The following KRCC1 variants were observed in gnomAD, a reference collection of about 807,000 sequenced individuals.
KRCC1 encodes the protein lysine rich coiled-coil 1.
In KRCC1, 3 loss-of-function variants were observed where a neutral mutation model predicts 7.4. The ratio of observed to expected loss-of-function variants is 0.40; its 90% CI spans 0.18 to 1.04. The LOEUF (loss-of-function observed/expected upper bound fraction) is 1.04, where lower values mean the gene tolerates loss of function less well. Ranked by LOEUF, KRCC1 falls within the 50% of genes least tolerant of loss-of-function variation. KRCC1 has a pLI of 0.33. For synonymous variants in KRCC1, 102 were observed against 101.6 expected (o/e 1.00, Z -0.02); for missense variants, 277 against 300.9 (o/e 0.92, Z 0.59).
chr2:88,027,987 T>C lies in KRCC1; in HGVS notation c.577A>G (p.Lys193Glu), dbSNP rs1209666799. The change falls in exon 4 of 4, where the codon AAG (lysine) becomes GAG (glutamate). Residue 193 changes from lysine to glutamate, a missense_variant. Lys to Glu is a moderately conservative substitution (Grantham distance 56). Coordinates refer to ENST00000347055, the MANE Select transcript of KRCC1 (RefSeq NM_016618.3). ...TCTGTTTTCTTTCTTTGGATGCTCT[T>C]GTGTTTGTCTAAGTCAATTTCCTCG... ...SCEEIDLDKH[K>E]SIQRKKTEVE... 43 of 1,614,002 alleles carry C rather than the reference T, an allele frequency of 2.7e-5. No homozygotes were observed. Among genetic ancestry groups the C allele is most frequent in the Non-Finnish European group, 3.6e-5 (43 of 1,179,996 alleles).
chr2:88,033,001 T>C (rs1227229731), intron 3 of KRCC1, among the ~76,000 whole-genome samples: 1 of 152,152 alleles, frequency 6.6e-6, no homozygotes, highest in Non-Finnish European at 1.5e-5. Flanking sequence ...ATTCCATTTA[T>C]ATAAAACTCT....
At chr2:88,031,971 C>G (rs1673000700) in intron 3 of KRCC1, among the ~76,000 whole-genome samples, 1 of 151,762 alleles carries the variant, frequency 6.6e-6, no homozygotes, top group African/African-American at 2.4e-5. Context: ...GGTGAAACCC[C>G]ATCTCTAGTA....
chr2:88,032,585 T>A lies in KRCC1; in HGVS notation c.-23+1549A>T, dbSNP rs115144948. 6.2e-3 allele frequency among the ~76,000 whole-genome samples: 947 copies of A among 152,302 alleles called. 7 individuals are homozygous for A. Among genetic ancestry groups the A allele is most frequent in the Non-Finnish European group, 9.8e-3 (668 of 68,030 alleles). On this transcript the variant is annotated intron_variant, in intron 3 of 3. Coordinates refer to ENST00000347055, the MANE Select transcript of KRCC1 (RefSeq NM_016618.3). ...GGTCGTTAACGGACACATGACTGGG[T>A]GTCTATACAAAGACATGAATGTTCA...
At chr2:88,034,367 T>A (rs956095905) in intron 2 of KRCC1, 75 bp from the exon 3 acceptor site, 1 of 152,270 alleles carries the variant, frequency 6.6e-6, no homozygotes, top group Non-Finnish European at 1.5e-5. Flanking sequence ...AGACCAATCA[T>A]CTGAAAATTC....
At chr2:88,053,144 G>C (rs1379224305) in intron 1 of KRCC1, among the ~76,000 whole-genome samples, 1 of 151,702 alleles carries the variant, frequency 6.6e-6, no homozygotes, top group African/African-American at 2.4e-5. Context: ...CTAGATGAGA[G>C]TCACTGGGCT....
intron 1 of KRCC1, among the ~76,000 whole-genome samples, chr2:88,053,125 C>T (rs547336752): frequency 6.6e-6 from 1 of 151,706 alleles, no homozygotes; most frequent in African/African-American, 2.4e-5. Context: ...CTCGGGGGTA[C>T]GATCATTCCT....
chr2:88,027,626 G>A lies in KRCC1; in HGVS notation c.*158C>T. The A allele has an allele frequency of 1.8e-6, 1 of 541,938 alleles. No individual in the cohort carries two copies. Among genetic ancestry groups the A allele is most frequent in the Non-Finnish European group, 3.1e-6 (1 of 319,220 alleles). 33.6% of individuals were successfully genotyped at this position (541,938 alleles called of 1,614,324 possible). A position where few individuals can be genotyped will look rare whatever the true frequency, so the allele number is the denominator to read the frequency against. On this transcript the variant is annotated 3_prime_UTR_variant, in exon 4 of 4. Coordinates refer to ENST00000347055, the MANE Select transcript of KRCC1 (RefSeq NM_016618.3). Reference sequence around the variant, plus strand: ...GAAAATGAGGAAAAGCAATTTCTGTGTTGGAGAGCAAGCATGCTAAACACT... The same window carrying A: ...GAAAATGAGGAAAAGCAATTTCTGTATTGGAGAGCAAGCATGCTAAACACT...
chr2:88,042,391 T>C (rs1673230644), intron 1 of KRCC1, among the ~76,000 whole-genome samples: 1 of 152,002 alleles, frequency 6.6e-6, no homozygotes, highest in Non-Finnish European at 1.5e-5. Flanking sequence ...GGTTTCTCTT[T>C]GTTTCTTTTC....
At chr2:88,036,372 A>G (rs1673090489) in intron 2 of KRCC1, among the ~76,000 whole-genome samples, 2 of 152,212 alleles carry the variant, frequency 1.3e-5, no homozygotes, top group South Asian at 4.1e-4. Context: ...TGGACAGGGA[A>G]TCAGATCTCA....
chr2:88,034,129 C>T lies in KRCC1; in HGVS notation c.-23+5G>A, dbSNP rs192513858. 1 of 152,726 alleles carries T rather than the reference C, an allele frequency of 6.5e-6. No individual in the cohort carries two copies. The highest frequency in any genetic ancestry group is 1.5e-5 in the Non-Finnish European group (1 of 68,020). The allele number at this position is 152,726 out of a possible 1,614,324, so 9.5% of individuals were successfully genotyped here. A position where few individuals can be genotyped will look rare whatever the true frequency, so the allele number is the denominator to read the frequency against. ...GAATAAAGAGGTGAATGGAACCTTA[C>T]TTACCCTTATCAGGCTGAGAATTTG... On this transcript the variant is annotated splice_donor_5th_base_variant and intron_variant, in intron 3 of 3. Coordinates refer to ENST00000347055, the MANE Select transcript of KRCC1 (RefSeq NM_016618.3).
At chr2:88,029,007 T>A (rs1299146375) in intron 3 of KRCC1, among the ~76,000 whole-genome samples, 1 of 152,144 alleles carries the variant, frequency 6.6e-6, no homozygotes. Context: ...AATTACAACC[T>A]ATTTCAGCAT....
intron 3 of KRCC1, among the ~76,000 whole-genome samples, chr2:88,033,592 T>C (rs1439454904): frequency 6.6e-6 from 1 of 152,232 alleles, no homozygotes; most frequent in South Asian, 2.1e-4. Context: ...GATGGATACA[T>C]GAAGGTTCAT....
At chr2:88,049,399 G>A (rs1230818482) in intron 1 of KRCC1, among the ~76,000 whole-genome samples, 6 of 152,176 alleles carry the variant, frequency 3.9e-5, no homozygotes, top group South Asian at 2.1e-4. Context: ...CAATGCTTAC[G>A]TCCTTGGGAA....
chr2:88,030,558 A>C (rs889779581), intron 3 of KRCC1, among the ~76,000 whole-genome samples: 3 of 152,250 alleles, frequency 2.0e-5, no homozygotes, highest in Non-Finnish European at 4.4e-5. Flanking sequence ...AGATGTTTAA[A>C]AGCACTGATC....
chr2:88,028,315 AT>A lies in KRCC1; in HGVS notation c.248del (p.Asn83IlefsTer14). 1.9e-6 allele frequency: 3 copies of A among 1,614,098 alleles called. No individual in the cohort carries two copies. The highest frequency in any genetic ancestry group is 2.5e-6 in the Non-Finnish European group (3 of 1,180,028). On this transcript the variant is annotated frameshift_variant, in exon 4 of 4. Transcript: ENST00000347055. LOFTEE classifies it low-confidence loss of function (END_TRUNC). Reference sequence around the variant, plus strand: ...GGGCTGGTAACCACTGAGGCAACCGATTTTCCACTGTTTGTGGAATATTGCA... The same window carrying A: ...GGGCTGGTAACCACTGAGGCAACCGATTTCCACTGTTTGTGGAATATTGCA... ...RSCNIPQTVENRLPQWLPAHD... is the reference protein window; with the variant it reads ...RSCNIPQTVEXRLPQWLPAHD...
chr2:88,043,060 G>A (rs1181797011), intron 1 of KRCC1, among the ~76,000 whole-genome samples: 1 of 152,096 alleles, frequency 6.6e-6, no homozygotes, highest in Non-Finnish European at 1.5e-5. Flanking sequence ...TGATCTGTTT[G>A]TACTACACTG....
At chr2:88,039,383 A>G (rs190544122) in intron 1 of KRCC1, among the ~76,000 whole-genome samples, 24 of 152,308 alleles carry the variant, frequency 1.6e-4, no homozygotes, top group African/African-American at 5.8e-4. Context: ...AAGGACTTGA[A>G]GAGTATTAAA....
rs955870335 is a variant in KRCC1, at chr2:88,027,210, A to G, written c.*574T>C. 1.3e-5 allele frequency: 2 copies of G among 152,264 alleles called. No individual in the cohort carries two copies. The highest frequency in any genetic ancestry group is 4.8e-5 in the African/African-American group (2 of 41,452). 9.4% of individuals were successfully genotyped at this position (152,264 alleles called of 1,614,324 possible). A position where few individuals can be genotyped will look rare whatever the true frequency, so the allele number is the denominator to read the frequency against. On this transcript the variant is annotated 3_prime_UTR_variant, in exon 4 of 4. Transcript: ENST00000347055. ...GACTGACACACAACAACATGTAGAA[A>G]TTAGAATACTTTATTATAAATATTT...
chr2:88,048,242 C>A (rs1336162226), intron 1 of KRCC1, among the ~76,000 whole-genome samples: 2 of 152,020 alleles, frequency 1.3e-5, no homozygotes, highest in African/African-American at 4.8e-5. Flanking sequence ...GCTACCATGG[C>A]TGGCTAATTT....
Sources: allele counts gnomAD v4.1 joint callset (sites outside exome capture counted in the v4.1 genomes callset), GRCh38; gene constraint gnomAD v4.1.1; transcripts MANE v1.5; gene names NCBI Gene and HGNC (gene_info 2026-07-23, HGNC 2026-07-21).